Variants in TMEM117 observed in about 807,000 individuals in gnomAD.
The protein encoded by TMEM117 is transmembrane protein 117.
In TMEM117, 27 loss-of-function variants were observed where a neutral mutation model predicts 52.4. The ratio of observed to expected loss-of-function variants is 0.51; its 90% confidence interval spans 0.38 to 0.71. The LOEUF (loss-of-function observed/expected upper bound fraction) is 0.71, where lower values mean the gene tolerates loss of function less well. TMEM117 is among the 30% of genes least tolerant of loss of function. The pLI is 0.00. For missense variants in TMEM117, 556 were observed against 630.5 expected, an observed-to-expected ratio of 0.88 and a Z score of 1.26; for synonymous variants, 215 against 206.3, an observed-to-expected ratio of 1.04 and a Z score of -0.36.
chr12:44,019,152 T>A (rs1946417730), intron 3 of TMEM117, among the ~76,000 whole-genome samples: 1 of 151,864 alleles, frequency 6.6e-6, no homozygotes, highest in Non-Finnish European at 1.5e-5. Flanking sequence ...TGTTTTTGTA[T>A]GAAAGAATGT....
intron 3 of TMEM117, among the ~76,000 whole-genome samples, chr12:44,061,154 G>A (rs1417055158): frequency 1.3e-5 from 2 of 152,194 alleles, no homozygotes; most frequent in African/African-American, 4.8e-5. Context: ...GGATTAGGGA[G>A]TTGGTGATTA....
intron 3 of TMEM117, among the ~76,000 whole-genome samples, chr12:44,018,300 T>C (rs532467074): frequency 6.6e-6 from 1 of 152,326 alleles, no homozygotes; most frequent in Admixed American, 6.5e-5. Context: ...CATTTTTTTC[T>C]CCTTTTTTAT....
chr12:44,275,257 C>T (rs1950497897), intron 5 of TMEM117, among the ~76,000 whole-genome samples: 2 of 152,130 alleles, frequency 1.3e-5, no homozygotes, highest in Admixed American at 6.6e-5. Context: ...GATGTCGTCT[C>T]ACCCCAGTTA....
At chr12:43,983,860 A>G (rs925290907) in intron 3 of TMEM117, among the ~76,000 whole-genome samples, 2 of 152,094 alleles carry the variant, frequency 1.3e-5, no homozygotes, top group Non-Finnish European at 2.9e-5. Flanking sequence ...TAAAAAAATC[A>G]AAAAAGAACA....
intron 2 of TMEM117, among the ~76,000 whole-genome samples, chr12:43,892,751 C>T (rs1259719116): frequency 6.6e-6 from 1 of 152,056 alleles, no homozygotes; most frequent in Non-Finnish European, 1.5e-5. Context: ...TAGATAAAAT[C>T]CTGTCATGTT....
At chr12:43,948,570 G>T (rs1050602044) in intron 3 of TMEM117, among the ~76,000 whole-genome samples, 3 of 152,108 alleles carry the variant, frequency 2.0e-5, no homozygotes, top group Admixed American at 2.0e-4. Context: ...CTTCCAAAGA[G>T]AACCTCCTTT....
chr12:44,016,117 G>C (rs1421877040), intron 3 of TMEM117, among the ~76,000 whole-genome samples: 1 of 152,162 alleles, frequency 6.6e-6, no homozygotes, highest in Admixed American at 6.5e-5. Context: ...TTTTAGTGGA[G>C]TGGGGTTCAT....
the TMEM117 span, among the ~76,000 whole-genome samples, chr12:43,811,015 A>G: frequency 4.6e-5 from 7 of 152,220 alleles, no homozygotes; most frequent in Admixed American, 2.6e-4. Flanking sequence ...ATTGGCACAT[A>G]TGTGTTTGTA....
At chr12:44,008,943 A>G (rs746457200) in intron 3 of TMEM117, 43 of 383,700 alleles carry the variant, frequency 1.1e-4, no homozygotes, top group Non-Finnish European at 2.0e-4. Flanking sequence ...TCTGAACTCC[A>G]TCTAAACCTT....
rs11182410 is a variant in TMEM117, at chr12:44,062,446, G to T, written c.411-81079G>T. ...AAGTATCTATATAGATGTGCATACC[G>T]TCTATGAAATAGCTCAGTATTTTGC... On this transcript the variant is annotated intron_variant, in intron 3 of 7. Transcript: ENST00000266534. Among the ~76,000 whole-genome samples, 5 of 152,248 alleles carry T rather than the reference G, an allele frequency of 3.3e-5. No homozygotes were observed. In the South Asian group the frequency reaches 1.0e-3, roughly 32 times the overall value.
chr12:44,319,152 T>C (rs1290098859), intron 6 of TMEM117, among the ~76,000 whole-genome samples: 1 of 152,168 alleles, frequency 6.6e-6, no homozygotes, highest in East Asian at 1.9e-4. Context: ...CTCTGCAATC[T>C]CTGATCCAAG....
At chr12:43,798,448 G>A in the TMEM117 span, 24 of 925,986 alleles carry the variant, frequency 2.6e-5, no homozygotes, top group African/African-American at 3.4e-5. Context: ...AGTCTCATTC[G>A]CAGTGTTGCA....
intron 2 of TMEM117, among the ~76,000 whole-genome samples, chr12:43,849,716 TA>T (rs1441519308): frequency 6.6e-6 from 1 of 152,136 alleles, no homozygotes; most frequent in African/African-American, 2.4e-5. Context: ...TTTTTCTTAC[TA>T]AAAACCTATG....
intron 7 of TMEM117, among the ~76,000 whole-genome samples, chr12:44,387,732 T>C (rs962848649): frequency 3.3e-5 from 5 of 152,136 alleles, no homozygotes; most frequent in Admixed American, 2.0e-4. Flanking sequence ...GGAACCAAAT[T>C]TGAGTATAGC....
At chr12:44,028,500 A>G (rs949935530) in intron 3 of TMEM117, among the ~76,000 whole-genome samples, 3 of 152,204 alleles carry the variant, frequency 2.0e-5, no homozygotes. Flanking sequence ...CTAATAAAAC[A>G]GTTTGCAGTA....
chr12:43,994,410 A>AGAG (rs1491363398), intron 3 of TMEM117, among the ~76,000 whole-genome samples: 1 of 152,230 alleles, frequency 6.6e-6, no homozygotes, highest in African/African-American at 2.4e-5. Context: ...ATAATAAAAA[A>AGAG]GAGTTTCCTA....
At chr12:43,847,223 G>GCA (rs1943225664) in intron 2 of TMEM117, among the ~76,000 whole-genome samples, 2 of 152,204 alleles carry the variant, frequency 1.3e-5, no homozygotes, top group African/African-American at 4.8e-5. Flanking sequence ...GGTTTCTGTG[G>GCA]TCTGGGACTT....
chr12:44,006,095 C>T (rs1946190893), intron 3 of TMEM117, among the ~76,000 whole-genome samples: 1 of 152,142 alleles, frequency 6.6e-6, no homozygotes, highest in Non-Finnish European at 1.5e-5. Context: ...GATGGGCCTC[C>T]CTTTAGGCCC....
At chr12:44,017,446 C>A (rs1487224327) in intron 3 of TMEM117, among the ~76,000 whole-genome samples, 5 of 147,944 alleles carry the variant, frequency 3.4e-5, no homozygotes, top group African/African-American at 1.3e-4. Context: ...TATATGATTT[C>A]TAAAAGCAAG....
Sources: gnomAD v4.1 joint callset for allele counts (sites outside exome capture counted in the v4.1 genomes callset) on GRCh38, gnomAD v4.1.1 for gene constraint, MANE v1.5 for transcripts, NCBI Gene and HGNC (gene_info 2026-07-23, HGNC 2026-07-21) for gene names.